The following RPTOR variants were observed in gnomAD, a reference collection of about 807,000 sequenced individuals.
The protein encoded by RPTOR is regulatory-associated protein of mTOR.
RPTOR carries 21 observed loss-of-function variants against 169.9 expected under a neutral mutation model. The ratio of observed to expected loss-of-function variants is 0.12; its 90% CI spans 0.09 to 0.18. The LOEUF (loss-of-function observed/expected upper bound fraction) is 0.18, where lower values mean the gene tolerates loss of function less well. Among genes scored for constraint, RPTOR ranks in the 10% least tolerant of loss-of-function variants. RPTOR has a pLI of 1.00. For missense variants in RPTOR, 1,133 were observed against 1,855.9 expected, an observed-to-expected ratio of 0.61 and a Z score of 7.16; for synonymous variants, 732 against 753.2, an observed-to-expected ratio of 0.97 and a Z score of 0.46.
chr17:80,810,422 T>G (rs2067261939), intron 7 of RPTOR, among the ~76,000 whole-genome samples: 1 of 152,222 alleles, frequency 6.6e-6, no homozygotes, highest in South Asian at 2.1e-4. Flanking sequence ...TCATTGAATT[T>G]CCTTGGTGCC....
At chr17:80,546,343 A>G (rs1366259391) in intron 1 of RPTOR, among the ~76,000 whole-genome samples, 2 of 152,158 alleles carry the variant, frequency 1.3e-5, no homozygotes, top group Non-Finnish European at 2.9e-5. Context: ...TCCTCCTTTT[A>G]TGTAGTGTCC....
At chr17:80,837,065 G>C (rs928702926) in intron 9 of RPTOR, among the ~76,000 whole-genome samples, 1 of 152,150 alleles carries the variant, frequency 6.6e-6, no homozygotes, top group Non-Finnish European at 1.5e-5. Context: ...TCGGGAGCCC[G>C]GGGAGGAGGC....
At position 80,746,239 on chromosome 17, in the gene RPTOR, G is replaced by A. The variant is rs1392514367; in HGVS notation, c.655-7771G>A. Among the ~76,000 whole-genome samples, 1 of 128,948 alleles carries A rather than the reference G, an allele frequency of 7.8e-6. No homozygotes were observed. Among genetic ancestry groups the A allele is most frequent in the Non-Finnish European group, 1.7e-5 (1 of 58,482 alleles). The allele number at this position is 128,948 out of a possible 152,430, so 84.6% of individuals were successfully genotyped here. On this transcript the variant is annotated intron_variant, in intron 5 of 33. Transcript: ENST00000306801. The surrounding 1 kb of genome is among the most constrained non-coding windows in gnomAD (Gnocchi z 4.5). ...GTGCTTTCTGCGGGTGATCCCCACC[G>A]CCCCCACAGCGGTGCTTTCTGCGGG...
chr17:80,780,848 C>T (rs1351263364), intron 6 of RPTOR, among the ~76,000 whole-genome samples: 3 of 152,182 alleles, frequency 2.0e-5, no homozygotes, highest in Non-Finnish European at 4.4e-5. Flanking sequence ...CTCTGTTTTC[C>T]TCTTTTCTTC....
At chr17:80,743,548 G>C (rs901801422) in intron 5 of RPTOR, 1 of 684,094 alleles carries the variant, frequency 1.5e-6, no homozygotes, top group East Asian at 1.3e-4. Flanking sequence ...TCAGTTCTTG[G>C]GAAAGGTGCC....
chr17:80,882,206 G>T (rs1023201951), intron 14 of RPTOR, among the ~76,000 whole-genome samples: 1 of 152,212 alleles, frequency 6.6e-6, no homozygotes, highest in African/African-American at 2.4e-5. Context: ...TAGCCAGCAT[G>T]GTTCAGAATG....
At position 80,846,490 on chromosome 17, in the gene RPTOR, C is replaced by G. The variant is rs375864642; in HGVS notation, c.1230C>G (p.Ala410=). Residue 410 remains alanine, a synonymous_variant, in exon 11 of 34, where the codon GCC becomes GCG. Transcript: ENST00000306801. The stretch of plus-strand genomic sequence containing the variant: ...CCCCGCAGCACAGCCCGTTCTTCGC[C>G]GAGCAGCTGACCGCATTCCAGGTGT... ...GTAFRHSPFF[A]EQLTAFQVWL... The G allele has an allele frequency of 6.2e-6, 10 of 1,614,148 alleles. No homozygotes were observed. The highest frequency in any genetic ancestry group is 1.3e-5 in the African/African-American group (1 of 75,068).
At position 80,949,478 on chromosome 17, in the gene RPTOR, G is replaced by T. The variant is rs763216049; in HGVS notation, c.3301G>T (p.Asp1101Tyr). 1.4e-5 allele frequency: 22 copies of T among 1,614,182 alleles called. 1 individual carries two copies. In the East Asian group the frequency reaches 4.9e-4, roughly 36 times the overall value. Reference protein sequence around the residue: ...GAIRVWKNFADLEKNPEMVTA... With the variant: ...GAIRVWKNFAYLEKNPEMVTA... ...CATCAGGGTCTGGAAGAATTTTGCT[G>T]ATTTGGAAAAGAACCCAGAGATGGT... Residue 1101 changes from aspartate to tyrosine, a missense_variant, in exon 28 of 34, where the codon GAT becomes TAT. Transcript: ENST00000306801.
intron 4 of RPTOR, among the ~76,000 whole-genome samples, chr17:80,729,930 T>C (rs2143201289): frequency 6.6e-6 from 1 of 152,190 alleles, no homozygotes. Flanking sequence ...ACAGCTCTGG[T>C]TCCATGGAGG....
intron 7 of RPTOR, among the ~76,000 whole-genome samples, chr17:80,792,342 C>T (rs1254035057): frequency 6.6e-6 from 1 of 152,182 alleles, no homozygotes; most frequent in Non-Finnish European, 1.5e-5. Flanking sequence ...AAAGCAACCC[C>T]ACTTCCAAGT....
intron 1 of RPTOR, among the ~76,000 whole-genome samples, chr17:80,603,170 C>G (rs1416841845): frequency 6.6e-6 from 1 of 152,088 alleles, no homozygotes; most frequent in Non-Finnish European, 1.5e-5. Flanking sequence ...TCACTTTTAC[C>G]CAGACAATGT....
intron 1 of RPTOR, among the ~76,000 whole-genome samples, chr17:80,550,631 A>G (rs2084333189): frequency 6.6e-6 from 1 of 152,142 alleles, no homozygotes. Context: ...CCATCCACTC[A>G]GTTGTTCAAG....
chr17:80,846,608 G>A, intron 11 of RPTOR, 34 bp downstream of exon 11: 1 of 1,593,630 alleles, frequency 6.3e-7, no homozygotes. Flanking sequence ...GACAGCCGAG[G>A]TTCCTCAGGA....
intron 6 of RPTOR, among the ~76,000 whole-genome samples, chr17:80,760,161 G>T (rs1376223960): frequency 1.3e-5 from 2 of 152,090 alleles, no homozygotes; most frequent in African/African-American, 4.8e-5. Flanking sequence ...CGGCAGACCT[G>T]GTTCTGTGAA....
intron 6 of RPTOR, among the ~76,000 whole-genome samples, chr17:80,789,588 G>T (rs1771337063): frequency 6.6e-6 from 1 of 152,194 alleles, no homozygotes; most frequent in Non-Finnish European, 1.5e-5. Flanking sequence ...TTTACATGAG[G>T]GTTTTGGCTC....
intron 2 of RPTOR, among the ~76,000 whole-genome samples, chr17:80,628,643 CT>C (rs558920302): frequency 1.4e-4 from 21 of 149,336 alleles, no homozygotes; most frequent in South Asian, 8.5e-4. Flanking sequence ...TCTCCCCACC[CT>C]TTTTTTTTTC....
In RPTOR at chr17:80,925,435, G is replaced by T. The variant is rs111431334; in HGVS notation, c.2874G>T (p.Gly958=). The change falls in exon 24 of 34, where the codon GGG becomes GGT. Residue 958 remains glycine, a synonymous_variant. Transcript: ENST00000306801. The part of the protein sequence containing the change: ...KSFISATVQT[G]FCDWSARYFA... ...TCATCTCCGCCACGGTGCAGACGGG[G>T]TTCTGCGACTGGAGCGCCCGCTATT... is the stretch of plus-strand genomic sequence containing the variant. The T allele has an allele frequency of 6.2e-7, 1 of 1,613,542 alleles. No homozygotes were observed. Among genetic ancestry groups the T allele is most frequent in the Non-Finnish European group, 8.5e-7 (1 of 1,180,036 alleles).
chr17:80,920,636 C>T (rs1036847386), intron 21 of RPTOR, among the ~76,000 whole-genome samples: 1 of 152,234 alleles, frequency 6.6e-6, no homozygotes, highest in African/African-American at 2.4e-5. Context: ...CTGCACAGAC[C>T]CCAGGCGGCT....
chr17:80,939,933 G>A (rs2069002830), intron 24 of RPTOR, among the ~76,000 whole-genome samples: 1 of 152,156 alleles, frequency 6.6e-6, no homozygotes, highest in Admixed American at 6.5e-5. Context: ...ACTCACTCAA[G>A]GGTCTCAGAG....
Sources: allele counts gnomAD v4.1 joint callset (sites outside exome capture counted in the v4.1 genomes callset), GRCh38; gene constraint gnomAD v4.1.1; non-coding constraint Gnocchi (gnomAD v3.1); transcripts MANE v1.5; gene names NCBI Gene and HGNC (gene_info 2026-07-23, HGNC 2026-07-21).